Variants in MLIP observed in about 807,000 individuals in gnomAD.
The protein encoded by MLIP is muscular LMNA interacting protein, also known as muscular LMNA-interacting protein.
MLIP carries 79 observed loss-of-function variants against 84.8 expected under a neutral mutation model. That is an observed-to-expected ratio of 0.93 (90% confidence interval 0.78 to 1.12). The LOEUF is 1.12. Ranked by LOEUF, MLIP falls within the 50% of genes most tolerant of loss-of-function variation. MLIP has a pLI of 0.00. For missense variants in MLIP, 1,257 were observed against 1,160.6 expected (o/e 1.08, Z -1.21); for synonymous variants, 504 against 463.0 (o/e 1.09, Z -1.14).
In MLIP at chr6:54,137,061, C is replaced by T. The variant is rs1410811824; in HGVS notation, c.992C>T (p.Thr331Ile). 5 of 1,536,098 alleles carry T rather than the reference C, an allele frequency of 3.3e-6. No individual in the cohort carries two copies. The highest frequency in any genetic ancestry group is 2.6e-6 in the Non-Finnish European group (3 of 1,146,890). ...GLTSEVLKKT[T>I]LTSHVLSHGE... ...ACCTCTGAAGTTCTCAAGAAGACAA[C>T]TTTAACCTCGCATGTCCTTAGTCAC... is the stretch of plus-strand genomic sequence containing the variant. Residue 331 changes from threonine to isoleucine, a missense_variant, in exon 4 of 14, where the codon ACT becomes ATT. Physicochemically the swap from Thr to Ile is moderately conservative, Grantham distance 89. Transcript: ENST00000502396.
intron 12 of MLIP, among the ~76,000 whole-genome samples, chr6:54,242,445 TA>T (rs1781800696): frequency 6.6e-6 from 1 of 152,160 alleles, no homozygotes; most frequent in African/African-American, 2.4e-5. Flanking sequence ...AGAAATCCAA[TA>T]AAAACTAAAA....
chr6:54,217,164 G>A (rs746815139), intron 11 of MLIP: 122 of 985,216 alleles, frequency 1.2e-4, no homozygotes, highest in Non-Finnish European at 1.4e-4. Context: ...AGTTCACAAA[G>A]GTGTCTTGTA....
chr6:54,202,127 C>A lies in MLIP; in HGVS notation c.2612C>A (p.Pro871Gln). ...SQLTKPGVIR[P>Q]VPVKSRILLK... is the part of the protein sequence containing the mutation. ...AAGACTAAGCCTGGAGTAATTCGCC[C>A]AGTACCTGTAAAATCCAGAATATTA... Residue 871 changes from proline (P) to glutamine (Q), a missense_variant, in exon 11 of 14, where the codon CCA becomes CAA. Coordinates refer to ENST00000502396, the MANE Select transcript of MLIP (RefSeq NM_001281747.2). 1.3e-6 allele frequency: 2 copies of A among 1,594,044 alleles called. No individual in the cohort carries two copies. Among genetic ancestry groups the A allele is most frequent in the East Asian group, 2.3e-5 (1 of 44,270 alleles).
At chr6:54,085,580 G>A (rs1767433471) in intron 1 of MLIP, among the ~76,000 whole-genome samples, 1 of 152,148 alleles carries the variant, frequency 6.6e-6, no homozygotes. Flanking sequence ...TTGTAGCTAG[G>A]CTACAAGTAA....
At chr6:54,264,080 CCAAA>C (rs1375463709) in intron 13 of MLIP, among the ~76,000 whole-genome samples, 1 of 151,922 alleles carries the variant, frequency 6.6e-6, no homozygotes, top group Non-Finnish European at 1.5e-5. Flanking sequence ...AATTGTGGGG[CCAAA>C]CATTTATTTG....
intron 13 of MLIP, among the ~76,000 whole-genome samples, chr6:54,262,501 T>C (rs1783452133): frequency 6.6e-6 from 1 of 152,068 alleles, no homozygotes; most frequent in Non-Finnish European, 1.5e-5. Context: ...AATCTGTGTC[T>C]GGCTTTACAC....
chr6:54,144,653 G>T (rs1215041831), intron 4 of MLIP, among the ~76,000 whole-genome samples: 1 of 152,180 alleles, frequency 6.6e-6, no homozygotes, highest in African/African-American at 2.4e-5. Flanking sequence ...ACGCTCACCT[G>T]CTGTTCACTT....
intron 10 of MLIP, 45 bp from the exon 11 acceptor site, chr6:54,202,060 G>C (rs1360915660): frequency 1.5e-6 from 2 of 1,368,922 alleles, no homozygotes; most frequent in Admixed American, 2.3e-5. Context: ...CATTTTAATA[G>C]TGTTTTTTTC....
intron 12 of MLIP, among the ~76,000 whole-genome samples, chr6:54,248,504 T>C (rs543279430): frequency 1.3e-5 from 2 of 152,236 alleles, no homozygotes; most frequent in African/African-American, 4.8e-5. Flanking sequence ...GGTTTTCTAG[T>C]TGAGAAAGAA....
chr6:54,085,560 T>G (rs612696), intron 1 of MLIP, among the ~76,000 whole-genome samples: 150,457 of 152,244 alleles, frequency 0.99, 74,367 homozygotes, highest in East Asian at 1. Flanking sequence ...GAAGAGATCA[T>G]ATTTCTCATT....
chr6:54,027,568 C>G (rs1359671407), intron 1 of MLIP, among the ~76,000 whole-genome samples: 2 of 152,164 alleles, frequency 1.3e-5, no homozygotes, highest in Non-Finnish European at 2.9e-5. Flanking sequence ...CCCTCTGCAT[C>G]ACTGGTGGTT....
chr6:54,034,013 C>T (rs879331993), intron 1 of MLIP, among the ~76,000 whole-genome samples: 10 of 152,104 alleles, frequency 6.6e-5, no homozygotes, highest in African/African-American at 1.4e-4. Flanking sequence ...TTGGATTACA[C>T]GTTAAAATGT....
At chr6:54,060,965 G>T (rs1181997559) in intron 1 of MLIP, among the ~76,000 whole-genome samples, 1 of 151,494 alleles carries the variant, frequency 6.6e-6, no homozygotes, top group Non-Finnish European at 1.5e-5. Flanking sequence ...ACATGACAGA[G>T]GTTTCAAGTT....
Position 54,124,690 on chromosome 6 carries a change from T to C in MLIP, c.470T>C (p.Val157Ala), listed in dbSNP as rs116183112. Residue 157 changes from valine (V) to alanine (A), a missense_variant, in exon 3 of 14, where the codon GTT (valine) becomes GCT (alanine). Val to Ala is a moderately conservative substitution (Grantham distance 64, BLOSUM62 0). Transcript: ENST00000502396. Reference sequence around the variant, plus strand: ...GAAGATGAGGCTGCAAGCAGAAAAGTTGAACAAGGCCCCCCAGGGGGGATT... The same window carrying C: ...GAAGATGAGGCTGCAAGCAGAAAAGCTGAACAAGGCCCCCCAGGGGGGATT... ...EGEDEAASRK[V>A]EQGPPGGIGT... The C allele has an allele frequency of 6.2e-7, 1 of 1,614,158 alleles. No homozygotes were observed. The highest frequency in any genetic ancestry group is 1.3e-5 in the African/African-American group (1 of 75,050).
intron 1 of MLIP, among the ~76,000 whole-genome samples, chr6:54,031,246 T>G (rs541320642): frequency 5.3e-5 from 8 of 152,136 alleles, no homozygotes; most frequent in Admixed American, 5.2e-4. Context: ...TACTGTAACC[T>G]CACATTTTTA....
chr6:54,093,329 A>AATTCAATTCT (rs377029001), intron 1 of MLIP, among the ~76,000 whole-genome samples: 74 of 134,076 alleles, frequency 5.5e-4, no homozygotes, highest in African/African-American at 1.9e-3. Context: ...TTTTCGATTA[A>AATTCAATTCT]ATTCTATTCT....
chr6:54,097,239 CT>C (rs1366225820), intron 1 of MLIP, among the ~76,000 whole-genome samples: 1 of 152,142 alleles, frequency 6.6e-6, no homozygotes, highest in Non-Finnish European at 1.5e-5. Flanking sequence ...ATGATTCTGT[CT>C]TCTTTAGAGG....
intron 11 of MLIP, among the ~76,000 whole-genome samples, chr6:54,205,534 G>T (rs1778976403): frequency 6.8e-6 from 1 of 146,414 alleles, no homozygotes; most frequent in South Asian, 2.3e-4. Context: ...GTTACAAAAT[G>T]TCAGACACTA....
chr6:54,088,710 G>A (rs373120010), intron 1 of MLIP, among the ~76,000 whole-genome samples: 5 of 152,186 alleles, frequency 3.3e-5, no homozygotes, highest in East Asian at 3.9e-4. Flanking sequence ...CAAATCTCGC[G>A]GTTGTGCCAG....
Sources: gnomAD v4.1 joint callset for allele counts (sites outside exome capture counted in the v4.1 genomes callset) on GRCh38, gnomAD v4.1.1 for gene constraint, MANE v1.5 for transcripts, NCBI Gene and HGNC (gene_info 2026-07-23, HGNC 2026-07-21) for gene names.